The following GPM6A variants were observed in gnomAD, a reference collection of about 807,000 sequenced individuals.
GPM6A encodes the protein neuronal membrane glycoprotein M6-a.
GPM6A carries 7 observed loss-of-function variants against 32.1 expected under a neutral mutation model. That is an observed-to-expected ratio of 0.22 (90% CI 0.12 to 0.41). The LOEUF is 0.41. Among genes scored for constraint, GPM6A ranks in the 10% least tolerant of loss-of-function variants. The probability of loss-of-function intolerance (pLI) is 1.00; values close to 1 mark genes in which losing one functional copy is unlikely to be tolerated. For missense variants in GPM6A, 235 were observed against 347.2 expected, an observed-to-expected ratio of 0.68 and a Z score of 2.57; for synonymous variants, 130 against 123.4, an observed-to-expected ratio of 1.05 and a Z score of -0.35.
At chr4:175,945,064 A>G (rs1334507340) in intron 1 of GPM6A, among the ~76,000 whole-genome samples, 2 of 151,756 alleles carry the variant, frequency 1.3e-5, no homozygotes, top group African/African-American at 4.8e-5. Context: ...CCTTTTGAGA[A>G]AAGGGTGTTT....
At chr4:175,748,764 T>C (rs543440362) in intron 1 of GPM6A, among the ~76,000 whole-genome samples, 2 of 152,178 alleles carry the variant, frequency 1.3e-5, no homozygotes, top group Non-Finnish European at 2.9e-5. Flanking sequence ...ACTTCTCCTC[T>C]ACAGCTATGA....
At chr4:175,992,230 G>A (rs1298502911) in intron 1 of GPM6A, among the ~76,000 whole-genome samples, 1 of 152,010 alleles carries the variant, frequency 6.6e-6, no homozygotes, top group East Asian at 1.9e-4. Context: ...TAATGTGCGT[G>A]TAGCCTAAGG....
intron 1 of GPM6A, among the ~76,000 whole-genome samples, chr4:175,792,814 C>G (rs937305551): frequency 3.9e-5 from 6 of 152,114 alleles, no homozygotes; most frequent in African/African-American, 1.4e-4. Context: ...ATTCATAATG[C>G]TTTTACTTTT....
In GPM6A at chr4:175,633,975, G is replaced by A. The variant is rs1055908354; in HGVS notation, c.*930C>T. On this transcript the variant is annotated 3_prime_UTR_variant, in exon 7 of 7. Coordinates refer to ENST00000393658, the MANE Select transcript of GPM6A (RefSeq NM_201591.3). ...TTTTAAAGTAGGTAAAACAACTTCC[G>A]AGGGGTTAGTGTGCTTATTTGTAAT... The A allele has an allele frequency of 6.6e-6, 1 of 152,464 alleles. No individual in the cohort carries two copies. Among genetic ancestry groups the A allele is most frequent in the Non-Finnish European group, 1.5e-5 (1 of 67,934 alleles). 9.4% of individuals were successfully genotyped at this position (152,464 alleles called of 1,614,324 possible).
chr4:175,927,984 C>T (rs1433691593), intron 1 of GPM6A, among the ~76,000 whole-genome samples: 1 of 152,016 alleles, frequency 6.6e-6, no homozygotes, highest in East Asian at 1.9e-4. Flanking sequence ...ACTCTTCTTG[C>T]CTTTAGTTTA....
intron 1 of GPM6A, among the ~76,000 whole-genome samples, chr4:175,934,030 A>G (rs1739143726): frequency 1.3e-5 from 2 of 152,234 alleles, no homozygotes; most frequent in Non-Finnish European, 1.5e-5. Context: ...GAAACCACAT[A>G]TCAAAAGTTA....
At chr4:175,713,104 G>A (rs1745645541) in intron 1 of GPM6A, among the ~76,000 whole-genome samples, 1 of 152,068 alleles carries the variant, frequency 6.6e-6, no homozygotes, top group South Asian at 2.1e-4. Context: ...TTTCAAAATT[G>A]GGCTTCTGAG....
intron 2 of GPM6A, among the ~76,000 whole-genome samples, chr4:175,685,253 T>C (rs1007273115): frequency 1.3e-5 from 2 of 152,180 alleles, no homozygotes; most frequent in African/African-American, 2.4e-5. Flanking sequence ...AAAATGTCCA[T>C]TGACGTTTTA....
chr4:175,789,281 T>C (rs1307643560), intron 1 of GPM6A, among the ~76,000 whole-genome samples: 1 of 152,202 alleles, frequency 6.6e-6, no homozygotes, highest in Non-Finnish European at 1.5e-5. Flanking sequence ...TTATAGTTGA[T>C]ATCCATATTC....
chr4:175,983,042 C>A (rs1391435988), intron 1 of GPM6A, among the ~76,000 whole-genome samples: 1 of 151,968 alleles, frequency 6.6e-6, no homozygotes, highest in African/African-American at 2.4e-5. Context: ...TTTATTTTGT[C>A]AAGTGACTTT....
chr4:175,664,413 G>A (rs1742618016), intron 3 of GPM6A, among the ~76,000 whole-genome samples: 1 of 152,190 alleles, frequency 6.6e-6, no homozygotes, highest in South Asian at 2.1e-4. Flanking sequence ...ATTTTAATAG[G>A]AGGGGAGGCT....
chr4:175,721,767 A>G (rs1746147820), intron 1 of GPM6A, among the ~76,000 whole-genome samples: 1 of 152,208 alleles, frequency 6.6e-6, no homozygotes, highest in Admixed American at 6.5e-5. Context: ...CAAGGTATAT[A>G]CATTTGATGG....
intron 3 of GPM6A, among the ~76,000 whole-genome samples, chr4:175,668,025 T>C (rs925616205): frequency 3.3e-5 from 5 of 152,228 alleles, no homozygotes; most frequent in Non-Finnish European, 5.9e-5. Flanking sequence ...AAGTCTCTTG[T>C]ATTTTAAAAT....
chr4:175,933,746 G>A (rs982036469), intron 1 of GPM6A, among the ~76,000 whole-genome samples: 2 of 152,028 alleles, frequency 1.3e-5, no homozygotes, highest in Non-Finnish European at 2.9e-5. Flanking sequence ...GGGTTTCACC[G>A]TGCTAGCCAG....
intron 1 of GPM6A, among the ~76,000 whole-genome samples, chr4:175,918,350 T>C (rs1412412069): frequency 6.6e-6 from 1 of 151,984 alleles, no homozygotes; most frequent in Non-Finnish European, 1.5e-5. Context: ...AGCTGTTGAG[T>C]TACATGTGGA....
intron 1 of GPM6A, among the ~76,000 whole-genome samples, chr4:175,890,566 T>C (rs974707654): frequency 7.9e-5 from 12 of 151,688 alleles, no homozygotes; most frequent in African/African-American, 2.9e-4. Flanking sequence ...ATTTTATTAT[T>C]TTATTTTATT....
upstream of GPM6A, chr4:175,812,762 A>G: frequency 1.0e-6 from 1 of 985,494 alleles, no homozygotes; most frequent in Non-Finnish European, 1.2e-6. Flanking sequence ...GGGAAAGCCC[A>G]GATTCCCGTC....
At chr4:175,659,086 CTT>C (rs563940419) in intron 3 of GPM6A, among the ~76,000 whole-genome samples, 6,715 of 143,584 alleles carry the variant, frequency 0.047, 175 homozygotes, top group Non-Finnish European at 0.063. Flanking sequence ...TTTTGTTTTC[CTT>C]TTTTTTTTTT....
chr4:175,896,711 G>A (rs1229453595), intron 1 of GPM6A, among the ~76,000 whole-genome samples: 2 of 152,038 alleles, frequency 1.3e-5, no homozygotes, highest in Non-Finnish European at 2.9e-5. Context: ...CTATCTTCTT[G>A]GGGTGGGGGC....
Sources: allele counts gnomAD v4.1 joint callset (sites outside exome capture counted in the v4.1 genomes callset), GRCh38; gene constraint gnomAD v4.1.1; transcripts MANE v1.5; gene names NCBI Gene and HGNC (gene_info 2026-07-23, HGNC 2026-07-21).